Variants in NOS1AP observed in about 807,000 individuals in gnomAD.
NOS1AP encodes carboxyl-terminal PDZ ligand of neuronal nitric oxide synthase protein.
In NOS1AP, 21 loss-of-function variants were observed where a neutral mutation model predicts 56.2. The ratio of observed to expected loss-of-function variants is 0.37; its 90% confidence interval spans 0.26 to 0.54. NOS1AP has a LOEUF of 0.54. Ranked by LOEUF, NOS1AP falls within the 20% of genes least tolerant of loss-of-function variation. NOS1AP has a pLI of 0.84. For missense variants in NOS1AP, 522 were observed against 657.8 expected, an observed-to-expected ratio of 0.79 and a Z score of 2.26; for synonymous variants, 270 against 274.6, an observed-to-expected ratio of 0.98 and a Z score of 0.17.
At chr1:162,232,907 A>T (rs937223076) in intron 2 of NOS1AP, among the ~76,000 whole-genome samples, 2 of 152,122 alleles carry the variant, frequency 1.3e-5, no homozygotes, top group Non-Finnish European at 2.9e-5. Context: ...CTCCCATTTC[A>T]TATACAGGAA....
chr1:162,178,393 G>A (rs1651138054), intron 2 of NOS1AP, among the ~76,000 whole-genome samples: 1 of 152,186 alleles, frequency 6.6e-6, no homozygotes. Flanking sequence ...TGATGTGCTT[G>A]CTAAGAGTAT....
At chr1:162,256,284 T>A (rs1393899965) in intron 2 of NOS1AP, among the ~76,000 whole-genome samples, 1 of 152,226 alleles carries the variant, frequency 6.6e-6, no homozygotes, top group East Asian at 1.9e-4. Context: ...TGAATGATTA[T>A]TTTGCTCTTC....
intron 1 of NOS1AP, among the ~76,000 whole-genome samples, chr1:162,134,116 A>G (rs1648876732): frequency 6.6e-6 from 1 of 152,232 alleles, no homozygotes; most frequent in Non-Finnish European, 1.5e-5. Flanking sequence ...AGTCAGTAAA[A>G]GCTAAGACAC....
chr1:162,248,101 A>C (rs1653729502), intron 2 of NOS1AP, among the ~76,000 whole-genome samples: 2 of 152,096 alleles, frequency 1.3e-5, no homozygotes, highest in South Asian at 4.1e-4. Context: ...TGGACAACAC[A>C]ACGAGATCCC....
At chr1:162,320,844 C>T (rs1323531896) in intron 4 of NOS1AP, among the ~76,000 whole-genome samples, 1 of 151,758 alleles carries the variant, frequency 6.6e-6, no homozygotes, top group Non-Finnish European at 1.5e-5. Context: ...CAGAGTGAGA[C>T]ACCATCTCAA....
intron 1 of NOS1AP, among the ~76,000 whole-genome samples, chr1:162,103,023 G>T (rs182625310): frequency 1.3e-5 from 2 of 152,254 alleles, no homozygotes; most frequent in Admixed American, 1.3e-4. Flanking sequence ...TAGTAGAGAT[G>T]TTAGGTTGTT....
At chr1:162,236,505 T>C (rs966284160) in intron 2 of NOS1AP, among the ~76,000 whole-genome samples, 4 of 152,224 alleles carry the variant, frequency 2.6e-5, no homozygotes, top group African/African-American at 9.6e-5. Context: ...CATGTCTTTC[T>C]ACTCCCGTCC....
chr1:162,170,274 A>G (rs574525437), intron 2 of NOS1AP, among the ~76,000 whole-genome samples: 3 of 152,322 alleles, frequency 2.0e-5, no homozygotes, highest in South Asian at 4.1e-4. Context: ...TAAGCACTAT[A>G]CATGTATTCA....
chr1:162,280,295 A>G (rs1654876451), intron 2 of NOS1AP, among the ~76,000 whole-genome samples: 1 of 152,262 alleles, frequency 6.6e-6, no homozygotes, highest in Non-Finnish European at 1.5e-5. Context: ...AATGGATGAC[A>G]ACAACTAGCA....
intron 2 of NOS1AP, among the ~76,000 whole-genome samples, chr1:162,167,534 G>A (rs1013504066): frequency 6.6e-6 from 1 of 152,194 alleles, no homozygotes; most frequent in Non-Finnish European, 1.5e-5. Context: ...CAACATAATC[G>A]CCTGGCCCTG....
intron 2 of NOS1AP, among the ~76,000 whole-genome samples, chr1:162,170,441 G>A (rs1411163296): frequency 6.6e-6 from 1 of 152,172 alleles, no homozygotes; most frequent in Non-Finnish European, 1.5e-5. Flanking sequence ...CTGAATCCAG[G>A]CTCTCAACTA....
rs879744315 is a variant in NOS1AP at position 162,344,977 on chromosome 1, TA to T, written c.595+1010del. On this transcript the variant is annotated intron_variant, in intron 6 of 9. Transcript: ENST00000361897. ...GAAAAAAATCCATTAAAATAACAAT[TA>T]AAAAAAAAGATACTTATGAATAATC... Among the ~76,000 whole-genome samples the T allele has an allele frequency of 5.1e-3, 766 of 150,828 alleles. 3 individuals carry two copies. The highest frequency in any genetic ancestry group is 0.013 in the African/African-American group (517 of 41,192).
intron 2 of NOS1AP, among the ~76,000 whole-genome samples, chr1:162,171,264 C>T (rs544379431): frequency 8.5e-5 from 13 of 152,334 alleles, no homozygotes; most frequent in Non-Finnish European, 1.3e-4. Flanking sequence ...TTGTGGCTTG[C>T]TCTGGATCCC....
intron 6 of NOS1AP, among the ~76,000 whole-genome samples, chr1:162,354,707 C>T (rs1002303304): frequency 6.6e-6 from 1 of 152,208 alleles, no homozygotes; most frequent in Non-Finnish European, 1.5e-5. Context: ...TGGAACCCTA[C>T]CTGTCCATCT....
intron 5 of NOS1AP, 93 bp downstream of exon 5, chr1:162,333,218 G>A (rs1356000217): frequency 2.4e-6 from 2 of 827,010 alleles, no homozygotes; most frequent in Non-Finnish European, 4.1e-6. Flanking sequence ...AGACAGCTGT[G>A]GTAATGCCGA....
intron 2 of NOS1AP, among the ~76,000 whole-genome samples, chr1:162,173,182 A>G (rs1376486782): frequency 6.6e-6 from 1 of 152,158 alleles, no homozygotes; most frequent in Admixed American, 6.6e-5. Context: ...CACCCGTCTA[A>G]TATTTTTGAC....
intron 8 of NOS1AP, among the ~76,000 whole-genome samples, chr1:162,359,843 C>T (rs896097994): frequency 2.6e-5 from 4 of 152,148 alleles, no homozygotes; most frequent in African/African-American, 9.7e-5. Flanking sequence ...CCCCAGAATT[C>T]CAGTGAGTAA....
intron 1 of NOS1AP, among the ~76,000 whole-genome samples, chr1:162,078,903 C>A (rs1469484570): frequency 6.6e-6 from 1 of 152,164 alleles, no homozygotes; most frequent in Non-Finnish European, 1.5e-5. Flanking sequence ...TTGTCCTGTC[C>A]AATTTTCATC....
chr1:162,196,886 C>T (rs775570927), intron 2 of NOS1AP, among the ~76,000 whole-genome samples: 21 of 152,184 alleles, frequency 1.4e-4, no homozygotes, highest in African/African-American at 3.9e-4. Context: ...CTGGAGGCCC[C>T]GCTATGGTTT....
Sources: allele counts gnomAD v4.1 joint callset (sites outside exome capture counted in the v4.1 genomes callset), GRCh38; gene constraint gnomAD v4.1.1; transcripts MANE v1.5; gene names NCBI Gene and HGNC (gene_info 2026-07-23, HGNC 2026-07-21).